The following NUDT12 variants were observed in gnomAD, a reference collection of about 807,000 sequenced individuals.
NUDT12 encodes NAD-capped RNA hydrolase NUDT12.
NUDT12 carries 42 observed loss-of-function variants against 45.7 expected under a neutral mutation model. That is an observed-to-expected ratio of 0.92 (90% CI 0.72 to 1.19). The LOEUF is 1.19. Ranked by LOEUF, NUDT12 falls within the 50% of genes most tolerant of loss-of-function variation. The pLI is 0.00. For synonymous variants in NUDT12, 206 were observed against 179.7 expected (o/e 1.15, Z -1.17); for missense variants, 590 against 533.1 (o/e 1.11, Z -1.05).
chr5:103,559,889 A>G (rs1562621128), intron 2 of NUDT12, 154 bp downstream of exon 2: 2 of 570,130 alleles, frequency 3.5e-6, no homozygotes, highest in East Asian at 5.7e-5. Flanking sequence ...GTTTTAAGTT[A>G]GAAAAATTGT....
Position 103,550,933 on chromosome 5 carries a change from G to A in NUDT12, c.1317C>T (p.Phe439=). ...DVLTKGKQQA[F]FVPPSRAIAH... is the part of the protein sequence containing the mutation. The stretch of plus-strand genomic sequence containing the variant: ...CAATAGCTCGGCTTGGTGGCACAAA[G>A]AATGCCTGCTGCTTCCCTTTGGTCA... Residue 439 remains phenylalanine (F), a synonymous_variant, in exon 7 of 7, where the codon TTC becomes TTT. Coordinates refer to ENST00000230792, the MANE Select transcript of NUDT12 (RefSeq NM_031438.4). The A allele has an allele frequency of 6.2e-7, 1 of 1,613,728 alleles. No homozygotes were observed. The highest frequency in any genetic ancestry group is 1.1e-5 in the South Asian group (1 of 91,070).
chr5:103,551,114 A>C, intron 6 of NUDT12, 143 bp from the exon 7 acceptor site: 1 of 616,742 alleles, frequency 1.6e-6, no homozygotes, highest in Non-Finnish European at 2.8e-6. Context: ...CCATATTTAC[A>C]TGCAAAGTTT....
intron 5 of NUDT12, among the ~76,000 whole-genome samples, chr5:103,553,016 G>A (rs1415467555): frequency 6.6e-6 from 1 of 152,076 alleles, no homozygotes; most frequent in Non-Finnish European, 1.5e-5. Context: ...TTAAGAATTA[G>A]AATAGGGGAA....
In NUDT12 at chr5:103,548,914, C is replaced by T. The variant is rs1748565828; in HGVS notation, c.*1947G>A. ...TTTCCAGTAGAATACATTCACGGCA[C>T]TATCACATCTACTATTCTTTTGAAC... On this transcript the variant is annotated 3_prime_UTR_variant, in exon 7 of 7. Coordinates refer to ENST00000230792, the MANE Select transcript of NUDT12 (RefSeq NM_031438.4). 1.3e-5 allele frequency: 2 copies of T among 152,174 alleles called. No homozygotes were observed. Among genetic ancestry groups the T allele is most frequent in the Admixed American group, 6.5e-5 (1 of 15,268 alleles). 9.4% of individuals were successfully genotyped at this position (152,174 alleles called of 1,614,324 possible).
chr5:103,552,434 A>G lies in NUDT12; in HGVS notation c.1079-18T>C. ...TGTCTCTCCTAATGAAATGGAGCAA[A>G]AGAACAAGTTGCTGATGAACATGCC... On this transcript the variant is annotated intron_variant, in intron 5 of 6. Coordinates refer to ENST00000230792, the MANE Select transcript of NUDT12 (RefSeq NM_031438.4). 1 of 1,595,742 alleles carries G rather than the reference A, an allele frequency of 6.3e-7. No individual in the cohort carries two copies.
Position 103,549,063 on chromosome 5 carries a change from C to T in NUDT12, c.*1798G>A, listed in dbSNP as rs1040201067. 8 of 152,040 alleles carry T rather than the reference C, an allele frequency of 5.3e-5. No homozygotes were observed. Among genetic ancestry groups the T allele is most frequent in the African/African-American group, 1.9e-4 (8 of 41,422 alleles). 9.4% of individuals were successfully genotyped at this position (152,040 alleles called of 1,614,324 possible). A position where few individuals can be genotyped will look rare whatever the true frequency, so the allele number is the denominator to read the frequency against. On this transcript the variant is annotated 3_prime_UTR_variant, in exon 7 of 7. Transcript: ENST00000230792. Reference sequence around the variant, plus strand: ...CCAAGTAAGGATTAAATATCCAAAACAAAATGTATAACTACACTTGTTGAT... The same window carrying T: ...CCAAGTAAGGATTAAATATCCAAAATAAAATGTATAACTACACTTGTTGAT...
rs532466199 is a variant in NUDT12, at chr5:103,550,743, C to T, written c.*118G>A. 1.1e-4 allele frequency: 73 copies of T among 646,278 alleles called. 1 individual carries two copies. In the East Asian group the frequency reaches 1.8e-3, roughly 16 times the overall value. The allele number at this position is 646,278 out of a possible 1,614,324, so 40.0% of individuals were successfully genotyped here. ...GAACACTTTGAAAATATTTCGAAAA[C>T]CCAACATCGTATTTTGTGTTGTGAC... On this transcript the variant is annotated 3_prime_UTR_variant, in exon 7 of 7. Coordinates refer to ENST00000230792, the MANE Select transcript of NUDT12 (RefSeq NM_031438.4).
intron 3 of NUDT12, 26 bp from the exon 4 acceptor site, chr5:103,556,124 A>G: frequency 1.3e-6 from 2 of 1,508,534 alleles, no homozygotes; most frequent in Non-Finnish European, 1.8e-6. Flanking sequence ...AAGCACAAAA[A>G]TTTTAATTCT....
At chr5:103,560,533 C>A (rs1749000794) in intron 1 of NUDT12, among the ~76,000 whole-genome samples, 1 of 151,836 alleles carries the variant, frequency 6.6e-6, no homozygotes, top group Non-Finnish European at 1.5e-5. Flanking sequence ...GAGGGGGAAC[C>A]AGGTAACATA....
chr5:103,557,248 G>T (rs1748849710), intron 3 of NUDT12, among the ~76,000 whole-genome samples: 1 of 120,608 alleles, frequency 8.3e-6, no homozygotes, highest in African/African-American at 3.0e-5. Context: ...CAAGCAACTA[G>T]CTCATTTATC....
chr5:103,558,734 A>G, intron 3 of NUDT12, 145 bp downstream of exon 3: 1 of 581,024 alleles, frequency 1.7e-6, no homozygotes, highest in South Asian at 2.5e-5. Context: ...CCCTAGGGTG[A>G]GAACTTTAAG....
At chr5:103,552,012 A>G (rs1748668068) in intron 6 of NUDT12, among the ~76,000 whole-genome samples, 1 of 152,230 alleles carries the variant, frequency 6.6e-6, no homozygotes, top group African/African-American at 2.4e-5. Context: ...CTCTACTAGA[A>G]AAATCTCATA....
At chr5:103,555,901 G>A (rs372407130) in intron 4 of NUDT12, 30 bp downstream of exon 4, 4 of 1,432,504 alleles carry the variant, frequency 2.8e-6, no homozygotes, top group Non-Finnish European at 3.7e-6. Flanking sequence ...CCAAGATCCA[G>A]GTGGCTGAGA....
chr5:103,548,878 T>C lies in NUDT12; in HGVS notation c.*1983A>G, dbSNP rs1748564183. ...AATAGATTTTAAAAATTTAATGTAT[T>C]ATTACATTCATTTCCAGTAGAATAC... On this transcript the variant is annotated 3_prime_UTR_variant, in exon 7 of 7. Coordinates refer to ENST00000230792, the MANE Select transcript of NUDT12 (RefSeq NM_031438.4). 6.6e-6 allele frequency: 1 copy of C among 152,176 alleles called. No homozygotes were observed. Among genetic ancestry groups the C allele is most frequent in the African/African-American group, 2.4e-5 (1 of 41,462 alleles). 9.4% of individuals were successfully genotyped at this position (152,176 alleles called of 1,614,324 possible).
chr5:103,559,630 G>T (rs1748968016), intron 2 of NUDT12, 162 bp from the exon 3 acceptor site: 1 of 457,126 alleles, frequency 2.2e-6, no homozygotes, highest in Non-Finnish European at 3.8e-6. Flanking sequence ...TATTGGGAAG[G>T]TTAAAAGAAC....
chr5:103,552,259 G>A lies in NUDT12; in HGVS notation c.1236C>T (p.Asp412=), dbSNP rs901076130. ...AGCGGGCATCCTCTATTTCATTCTT[G>A]TCAACTTTAATTTCTGTAGACACTG... ...ALAVSTEIKV[D]KNEIEDARWF... Residue 412 remains aspartate (D), a synonymous_variant, in exon 6 of 7, where the codon GAC becomes GAT. Coordinates refer to ENST00000230792, the MANE Select transcript of NUDT12 (RefSeq NM_031438.4). 1 of 1,613,802 alleles carries A rather than the reference G, an allele frequency of 6.2e-7. No individual in the cohort carries two copies. Among genetic ancestry groups the A allele is most frequent in the Non-Finnish European group, 8.5e-7 (1 of 1,179,804 alleles).
chr5:103,560,005 C>T (rs1748979511), intron 2 of NUDT12, 38 bp downstream of exon 2: 9 of 1,435,682 alleles, frequency 6.3e-6, no homozygotes, highest in Non-Finnish European at 8.8e-6. Context: ...GAAATTAAAC[C>T]ACAAACCCTT....
Position 103,558,960 on chromosome 5 carries a change from C to A in NUDT12, c.715G>T (p.Glu239Ter). ...CAATTTTCATGTCTTTGCTTGAATT[C>A]TTCAGCAGCAATAGGATCTATACCT... The part of the protein sequence containing the change: ...ALGIDPIAAE[E>*]FKQRHENCYF... The change falls in exon 3 of 7, where the codon GAA (glutamate) becomes TAA (stop). Residue 239 changes from glutamate to a stop codon, truncating the protein, a stop_gained. Transcript: ENST00000230792. LOFTEE classifies it high-confidence loss of function. 6.2e-7 allele frequency: 1 copy of A among 1,612,656 alleles called. No individual in the cohort carries two copies. The highest frequency in any genetic ancestry group is 8.5e-7 in the Non-Finnish European group (1 of 1,179,238).
Position 103,552,217 on chromosome 5 carries a change from C to T in NUDT12, c.1278G>A (p.Gln426=). The T allele has an allele frequency of 6.2e-7, 1 of 1,610,480 alleles. No homozygotes were observed. The change falls in exon 6 of 7, where the codon CAG becomes CAA. Residue 426 remains glutamine, a splice_region_variant and synonymous_variant. Transcript: ENST00000230792. ...IEDARWFTRE[Q]VLDVLTKGKQ... ...AGAAGGAAATTAAATTGAACTTTAC[C>T]TGTTCTCTAGTGAACCAGCGGGCAT... is the stretch of plus-strand genomic sequence containing the variant.
Sources: allele counts gnomAD v4.1 joint callset (sites outside exome capture counted in the v4.1 genomes callset), GRCh38; gene constraint gnomAD v4.1.1; transcripts MANE v1.5; gene names NCBI Gene and HGNC (gene_info 2026-07-23, HGNC 2026-07-21).